The following SNTB1 variants were observed in gnomAD, a reference collection of about 807,000 sequenced individuals.
SNTB1 encodes syntrophin beta 1.
SNTB1 carries 36 observed loss-of-function variants against 48.9 expected under a neutral mutation model. That is an observed-to-expected ratio of 0.74 (90% CI 0.56 to 0.97). The LOEUF (loss-of-function observed/expected upper bound fraction) is 0.97, where lower values mean the gene tolerates loss of function less well. SNTB1 is among the 50% of genes least tolerant of loss of function. The pLI is 0.00. For missense variants in SNTB1, 786 were observed against 703.4 expected (o/e 1.12, Z -1.33); for synonymous variants, 299 against 294.6 (o/e 1.01, Z -0.15).
At chr8:120,771,683 CTT>C (rs768249144) in intron 1 of SNTB1, among the ~76,000 whole-genome samples, 10 of 143,122 alleles carry the variant, frequency 7.0e-5, no homozygotes, top group Admixed American at 2.1e-4. Flanking sequence ...AACCATGCCT[CTT>C]TTTTTTTTTT....
At position 120,790,879 on chromosome 8, in the gene SNTB1, C is replaced by A. The variant is rs140504768; in HGVS notation, c.571+20394G>T. On this transcript the variant is annotated intron_variant, in intron 1 of 6. Coordinates refer to ENST00000517992, the MANE Select transcript of SNTB1 (RefSeq NM_021021.4). ...TGTCAACATCATTTTTTAAAGAATT[C>A]GAAAAAAATCATCCTCAAATTCCTA... 5.9e-5 allele frequency among the ~76,000 whole-genome samples: 9 copies of A among 151,364 alleles called. No individual in the cohort carries two copies. The South Asian group carries it at 1.7e-3, about 28-fold the overall frequency.
chr8:120,794,077 C>T (rs954660077), intron 1 of SNTB1, among the ~76,000 whole-genome samples: 3 of 151,994 alleles, frequency 2.0e-5, no homozygotes, highest in Non-Finnish European at 4.4e-5. Flanking sequence ...TTCCACATGG[C>T]TCCCTTCCCC....
chr8:120,612,705 C>T (rs1816645544), intron 3 of SNTB1, among the ~76,000 whole-genome samples: 1 of 152,152 alleles, frequency 6.6e-6, no homozygotes, highest in South Asian at 2.1e-4. Flanking sequence ...AGGTGCACAC[C>T]ACCATGCCTG....
chr8:120,589,744 C>T (rs1033083250), intron 3 of SNTB1, among the ~76,000 whole-genome samples: 2 of 152,126 alleles, frequency 1.3e-5, no homozygotes, highest in Non-Finnish European at 2.9e-5. Flanking sequence ...CTGTCAGGAC[C>T]TAATGACCCC....
chr8:120,663,550 G>A (rs1014007208), intron 2 of SNTB1, among the ~76,000 whole-genome samples: 5 of 152,018 alleles, frequency 3.3e-5, no homozygotes, highest in Non-Finnish European at 7.4e-5. Flanking sequence ...CAAGTGATCC[G>A]CCTGCCTCGG....
chr8:120,578,118 C>T (rs919115373), intron 3 of SNTB1, among the ~76,000 whole-genome samples: 16 of 151,950 alleles, frequency 1.1e-4, no homozygotes, highest in African/African-American at 2.9e-4. Context: ...CTGCAAGCTC[C>T]GCCTCCTGGG....
chr8:120,720,240 G>A (rs890477862), intron 1 of SNTB1, among the ~76,000 whole-genome samples: 9 of 152,230 alleles, frequency 5.9e-5, no homozygotes, highest in African/African-American at 2.2e-4. Context: ...TGGTGAGGCT[G>A]TCCTCTCCCT....
intron 1 of SNTB1, among the ~76,000 whole-genome samples, chr8:120,764,047 A>G (rs1819474172): frequency 6.6e-6 from 1 of 152,250 alleles, no homozygotes; most frequent in Non-Finnish European, 1.5e-5. Flanking sequence ...TCATAAGGTC[A>G]AATGCCTTTT....
At chr8:120,539,883 T>C (rs186547616) in intron 6 of SNTB1, among the ~76,000 whole-genome samples, 1 of 152,302 alleles carries the variant, frequency 6.6e-6, no homozygotes, top group Admixed American at 6.5e-5. Context: ...GAAGAAGCTA[T>C]TGTTATTATC....
intron 3 of SNTB1, among the ~76,000 whole-genome samples, chr8:120,601,664 C>G (rs1816424360): frequency 6.6e-6 from 1 of 152,190 alleles, no homozygotes; most frequent in Non-Finnish European, 1.5e-5. Flanking sequence ...TCAGGACTGT[C>G]AGCTCTGCAC....
intron 2 of SNTB1, among the ~76,000 whole-genome samples, chr8:120,649,963 A>G (rs935739003): frequency 2.3e-4 from 35 of 152,282 alleles, no homozygotes; most frequent in South Asian, 1.0e-3. Flanking sequence ...TCTTTGACTC[A>G]GAAAGGGAAC....
chr8:120,683,911 T>C (rs1413146087), intron 2 of SNTB1, among the ~76,000 whole-genome samples: 1 of 152,218 alleles, frequency 6.6e-6, no homozygotes, highest in African/African-American at 2.4e-5. Context: ...CTAATCATAA[T>C]AATCAAACAT....
At chr8:120,654,307 G>A (rs1265818282) in intron 2 of SNTB1, among the ~76,000 whole-genome samples, 1 of 152,066 alleles carries the variant, frequency 6.6e-6, no homozygotes, top group Non-Finnish European at 1.5e-5. Flanking sequence ...AAGAGGGAGG[G>A]AGGGAGTAAA....
intron 3 of SNTB1, among the ~76,000 whole-genome samples, chr8:120,576,167 G>T (rs570333318): frequency 6.6e-6 from 1 of 152,098 alleles, no homozygotes. Context: ...ATCAGAGTCC[G>T]CATTTTAACA....
chr8:120,563,290 C>CT (rs11453370), intron 4 of SNTB1, among the ~76,000 whole-genome samples: 29,126 of 146,618 alleles, frequency 0.2, 2,839 homozygotes, highest in Middle Eastern at 0.3. Flanking sequence ...GTGAGCATAC[C>CT]TTTTTTTTTT....
At chr8:120,800,971 T>C (rs895547268) in intron 1 of SNTB1, among the ~76,000 whole-genome samples, 2 of 152,072 alleles carry the variant, frequency 1.3e-5, no homozygotes, top group Non-Finnish European at 2.9e-5. Flanking sequence ...GAATATATGT[T>C]TTAATATTTG....
chr8:120,778,681 G>A (rs576782881), intron 1 of SNTB1, among the ~76,000 whole-genome samples: 86 of 152,296 alleles, frequency 5.6e-4, no homozygotes, highest in Middle Eastern at 6.8e-3. Flanking sequence ...TAGTAGCTGA[G>A]TCTTCATTGC....
intron 1 of SNTB1, among the ~76,000 whole-genome samples, chr8:120,805,230 CTCT>C (rs1563608654): frequency 7.6e-4 from 116 of 151,874 alleles, no homozygotes; most frequent in African/African-American, 2.7e-3. Flanking sequence ...AATGCCCACC[CTCT>C]CCTCCAAACA....
intron 2 of SNTB1, among the ~76,000 whole-genome samples, chr8:120,643,037 C>A (rs1216120542): frequency 6.6e-6 from 1 of 152,170 alleles, no homozygotes; most frequent in Non-Finnish European, 1.5e-5. Context: ...AGGATGCTGA[C>A]AGGGGTTGCA....
Sources: allele counts gnomAD v4.1 joint callset (sites outside exome capture counted in the v4.1 genomes callset), GRCh38; gene constraint gnomAD v4.1.1; transcripts MANE v1.5; gene names NCBI Gene and HGNC (gene_info 2026-07-23, HGNC 2026-07-21).